TBC1D2: variants seen among roughly 807,000 people sequenced by gnomAD.
TBC1D2 encodes TBC1 domain family member 2.
TBC1D2 carries 58 observed loss-of-function variants against 91.1 expected under a neutral mutation model. That is an observed-to-expected ratio of 0.64 (90% CI 0.52 to 0.79). TBC1D2 has a LOEUF of 0.79. Among genes scored for constraint, TBC1D2 ranks in the 30% least tolerant of loss-of-function variants. The pLI is 0.00. For synonymous variants in TBC1D2, 482 were observed against 511.5 expected (o/e 0.94, Z 0.78); for missense variants, 1,080 against 1,208.3 (o/e 0.89, Z 1.57).
chr9:98,243,663 AGT>A (rs1829700645), intron 3 of TBC1D2, among the ~76,000 whole-genome samples: 1 of 151,168 alleles, frequency 6.6e-6, no homozygotes, highest in African/African-American at 2.4e-5. Flanking sequence ...CAGCCTCCTG[AGT>A]AGCTGGGATT....
At position 98,215,355 on chromosome 9, in the gene TBC1D2, G is replaced by A. The variant is rs150927285; in HGVS notation, c.1375-2137C>T. Among the ~76,000 whole-genome samples, 15 of 152,214 alleles carry A rather than the reference G, an allele frequency of 9.9e-5. No individual in the cohort carries two copies. In the East Asian group the frequency reaches 1.9e-3, roughly 20 times the overall value. On this transcript the variant is annotated intron_variant, in intron 6 of 12. Coordinates refer to ENST00000465784, the MANE Select transcript of TBC1D2 (RefSeq NM_001267571.2). ...GCATCACCCCCATCACCAACACCAC[G>A]CAGCATATATTCTCTCACTTCATCC... is the stretch of plus-strand genomic sequence containing the variant.
chr9:98,234,887 T>C (rs970369128), intron 3 of TBC1D2: 1 of 208,496 alleles, frequency 4.8e-6, no homozygotes, highest in Non-Finnish European at 1.0e-5. Flanking sequence ...ACGAGGAAAG[T>C]AACTAAAGGT....
chr9:98,247,183 T>C (rs1321509402), intron 2 of TBC1D2, among the ~76,000 whole-genome samples: 1 of 151,264 alleles, frequency 6.6e-6, no homozygotes, highest in Non-Finnish European at 1.5e-5. Flanking sequence ...AAAAACAAAC[T>C]GGGCGTGGTG....
At position 98,237,303 on chromosome 9, in the gene TBC1D2, C is replaced by T. The variant is rs142203745; in HGVS notation, c.648-3754G>A. On this transcript the variant is annotated intron_variant, in intron 3 of 12. Coordinates refer to ENST00000465784, the MANE Select transcript of TBC1D2 (RefSeq NM_001267571.2). Reference sequence around the variant, plus strand: ...CAGAGGTTGCAGTGAGTGGAGATTGCGCCACTGCACTCTAGTCTGGGTGAC... The same window carrying T: ...CAGAGGTTGCAGTGAGTGGAGATTGTGCCACTGCACTCTAGTCTGGGTGAC... Among the ~76,000 whole-genome samples, 249 of 149,006 alleles carry T rather than the reference C, an allele frequency of 1.7e-3. 2 individuals are homozygous for T. The highest frequency in any genetic ancestry group is 3.0e-3 in the South Asian group (14 of 4,722).
At chr9:98,218,993 G>C (rs1829033552) in intron 6 of TBC1D2, among the ~76,000 whole-genome samples, 1 of 152,212 alleles carries the variant, frequency 6.6e-6, no homozygotes, top group African/African-American at 2.4e-5. Context: ...GCTGTGTGGA[G>C]GGCTGAGAGC....
At chr9:98,207,339 T>C (rs985601969) in intron 9 of TBC1D2, among the ~76,000 whole-genome samples, 6 of 152,218 alleles carry the variant, frequency 3.9e-5, no homozygotes, top group Admixed American at 1.3e-4. Flanking sequence ...TTTGCTTAGG[T>C]ATATGTGTGT....
At chr9:98,251,649 C>G in intron 2 of TBC1D2, 136 bp downstream of exon 2, 2 of 1,320,888 alleles carry the variant, frequency 1.5e-6, no homozygotes, top group Non-Finnish European at 2.0e-6. Flanking sequence ...AATTCTTGCC[C>G]TAACTAATCC....
chr9:98,228,180 C>T lies in TBC1D2; in HGVS notation c.978+772G>A, dbSNP rs1188662255. Among the ~76,000 whole-genome samples the T allele has an allele frequency of 2.6e-5, 4 of 152,174 alleles. No homozygotes were observed. The highest frequency in any genetic ancestry group is 5.9e-5 in the Non-Finnish European group (4 of 68,032). On this transcript the variant is annotated intron_variant, in intron 5 of 12. Coordinates refer to ENST00000465784, the MANE Select transcript of TBC1D2 (RefSeq NM_001267571.2). The surrounding 1 kb of genome is among the most constrained non-coding windows in gnomAD (Gnocchi z 4.0). Reference sequence around the variant, plus strand: ...CTGCCACCACAGGTCCTACCAGGCCCCACCGTTGGGATTTATGTAACAACT... The same window carrying T: ...CTGCCACCACAGGTCCTACCAGGCCTCACCGTTGGGATTTATGTAACAACT...
rs1467390587 is a variant in TBC1D2, at chr9:98,228,496, C to T, written c.978+456G>A. Among the ~76,000 whole-genome samples the T allele has an allele frequency of 6.6e-6, 1 of 152,188 alleles. No homozygotes were observed. Among genetic ancestry groups the T allele is most frequent in the Non-Finnish European group, 1.5e-5 (1 of 68,020 alleles). On this transcript the variant is annotated intron_variant, in intron 5 of 12. Coordinates refer to ENST00000465784, the MANE Select transcript of TBC1D2 (RefSeq NM_001267571.2). The surrounding 1 kb of genome is among the most constrained non-coding windows in gnomAD (Gnocchi z 4.0). The stretch of plus-strand genomic sequence containing the variant: ...TGTTGGTCCTGGCTTAGCCCTGGGC[C>T]ACACACATGCTGCTTGTTTGCTTTC...
intron 6 of TBC1D2, chr9:98,213,465 G>T: frequency 7.7e-7 from 1 of 1,298,284 alleles, no homozygotes; most frequent in South Asian, 1.6e-5. Context: ...CTGGCTGGAA[G>T]GCCTCAGGCA....
At chr9:98,216,754 G>C (rs1828980672) in intron 6 of TBC1D2, among the ~76,000 whole-genome samples, 1 of 152,042 alleles carries the variant, frequency 6.6e-6, no homozygotes, top group South Asian at 2.1e-4. Context: ...ACCCAGGCTG[G>C]AATGCAATGG....
chr9:98,199,630 C>CTGGCCGGCGTT, intron 12 of TBC1D2, 42 bp from the exon 13 acceptor site: 1 of 1,607,326 alleles, frequency 6.2e-7, no homozygotes, highest in Non-Finnish European at 8.5e-7. Context: ...GTCACCCCAC[C>CTGGCCGGCGTT]TGGCCGGCGT....
intron 2 of TBC1D2, among the ~76,000 whole-genome samples, chr9:98,250,985 G>A (rs772173796): frequency 8.5e-5 from 13 of 152,198 alleles, no homozygotes; most frequent in South Asian, 4.2e-4. Context: ...GGGAACACCA[G>A]CGATAAAAAT....
At chr9:98,211,706 C>G (rs1828845188) in intron 7 of TBC1D2, among the ~76,000 whole-genome samples, 1 of 152,192 alleles carries the variant, frequency 6.6e-6, no homozygotes, top group Non-Finnish European at 1.5e-5. Flanking sequence ...AAGCCATCCT[C>G]TGTGCCTGTT....
chr9:98,246,007 G>T (rs1829756584), intron 2 of TBC1D2, among the ~76,000 whole-genome samples: 1 of 152,220 alleles, frequency 6.6e-6, no homozygotes, highest in South Asian at 2.1e-4. Flanking sequence ...TTTAAACAAT[G>T]ATTCTTCTAC....
chr9:98,255,302 G>GTAA lies in TBC1D2; in HGVS notation c.237_239dup (p.Tyr80dup). On this transcript the variant is annotated inframe_insertion, in exon 1 of 13. Transcript: ENST00000465784. ...GATTGGCATCCTGAGCGGTCCGCGA[G>GTAA]TAATACAGCTGACATTTCCTTTCGT... 1 of 1,614,260 alleles carries GTAA rather than the reference G, an allele frequency of 6.2e-7. No homozygotes were observed. The highest frequency in any genetic ancestry group is 8.5e-7 in the Non-Finnish European group (1 of 1,180,050).
intron 8 of TBC1D2, among the ~76,000 whole-genome samples, 161 bp downstream of exon 8, chr9:98,210,495 C>T (rs1283633255): frequency 3.3e-5 from 5 of 152,200 alleles, no homozygotes; most frequent in African/African-American, 7.2e-5. Flanking sequence ...CTCCTCTGAG[C>T]GTGAACCATC....
In TBC1D2 at chr9:98,199,313, C is replaced by G; in HGVS notation, c.*68G>C. 1 of 1,571,820 alleles carries G rather than the reference C, an allele frequency of 6.4e-7. No homozygotes were observed. The highest frequency in any genetic ancestry group is 8.7e-7 in the Non-Finnish European group (1 of 1,147,332). ...GACACCCAGGGCTGGGCCACTGGTC[C>G]GTGCCTGACCTCCAGTGGGTCTGCC... On this transcript the variant is annotated 3_prime_UTR_variant, in exon 13 of 13. Transcript: ENST00000465784.
At chr9:98,230,825 G>A (rs796550270) in intron 4 of TBC1D2, among the ~76,000 whole-genome samples, 2 of 152,300 alleles carry the variant, frequency 1.3e-5, no homozygotes, top group African/African-American at 4.8e-5. Context: ...AGGTTGTAGT[G>A]AGCCGAGATC....
Sources: gnomAD v4.1 joint callset for allele counts (sites outside exome capture counted in the v4.1 genomes callset) on GRCh38, gnomAD v4.1.1 for gene constraint, Gnocchi (gnomAD v3.1) non-coding constraint, MANE v1.5 for transcripts, NCBI Gene and HGNC (gene_info 2026-07-23, HGNC 2026-07-21) for gene names.